The following ESRRG variants were observed in gnomAD, a reference collection of about 807,000 sequenced individuals.
ESRRG encodes the protein estrogen related receptor gamma.
ESRRG carries 13 observed loss-of-function variants against 44.0 expected under a neutral mutation model. That is an observed-to-expected ratio of 0.30 (90% CI 0.19 to 0.47). ESRRG has a LOEUF of 0.47. Ranked by LOEUF, ESRRG falls within the 20% of genes least tolerant of loss-of-function variation. ESRRG has a pLI of 1.00. For missense variants in ESRRG, 395 were observed against 580.6 expected, an observed-to-expected ratio of 0.68 and a Z score of 3.29; for synonymous variants, 215 against 214.6, an observed-to-expected ratio of 1.00 and a Z score of -0.02.
At chr1:216,543,421 G>C (rs1239758806) in intron 5 of ESRRG, among the ~76,000 whole-genome samples, 1 of 152,010 alleles carries the variant, frequency 6.6e-6, no homozygotes, top group Non-Finnish European at 1.5e-5. Context: ...CTCTTGATGA[G>C]TAAAGAAATA....
At chr1:216,589,294 G>A (rs1336637405) in intron 3 of ESRRG, among the ~76,000 whole-genome samples, 1 of 152,274 alleles carries the variant, frequency 6.6e-6, no homozygotes, top group East Asian at 1.9e-4. Flanking sequence ...TGGGCTACAT[G>A]TGGCTGAGGA....
intron 3 of ESRRG, among the ~76,000 whole-genome samples, chr1:216,586,581 CTT>C (rs752769234): frequency 2.1e-4 from 26 of 124,078 alleles, no homozygotes; most frequent in Non-Finnish European, 3.0e-4. Context: ...AACTTTTGGG[CTT>C]TTTTTTTTTT....
At chr1:217,089,093 C>G (rs2092269059) in intron 1 of ESRRG, among the ~76,000 whole-genome samples, 1 of 152,046 alleles carries the variant, frequency 6.6e-6, no homozygotes, top group African/African-American at 2.4e-5. Context: ...GCACCACCCT[C>G]TCCCCCAACG....
At chr1:216,738,790 C>T (rs987317509) in intron 2 of ESRRG, among the ~76,000 whole-genome samples, 2 of 152,106 alleles carry the variant, frequency 1.3e-5, no homozygotes, top group African/African-American at 4.8e-5. Flanking sequence ...TAATGTTTCA[C>T]TTCTCTCTGC....
chr1:216,991,958 C>A (rs932008617), intron 1 of ESRRG, among the ~76,000 whole-genome samples: 4 of 152,162 alleles, frequency 2.6e-5, no homozygotes, highest in Non-Finnish European at 5.9e-5. Flanking sequence ...TTGGGATACT[C>A]CTGGGCTGTG....
At chr1:216,868,473 G>C (rs1399981847) in intron 2 of ESRRG, among the ~76,000 whole-genome samples, 1 of 152,102 alleles carries the variant, frequency 6.6e-6, no homozygotes, top group Non-Finnish European at 1.5e-5. Context: ...ACCCTTGAAG[G>C]ACATTCACAT....
chr1:216,755,136 A>G (rs2092365427), intron 2 of ESRRG, among the ~76,000 whole-genome samples: 1 of 152,004 alleles, frequency 6.6e-6, no homozygotes, highest in African/African-American at 2.4e-5. Flanking sequence ...TATCACATCT[A>G]CTGTTTTCTT....
chr1:216,946,283 C>A (rs2066045081), intron 1 of ESRRG, among the ~76,000 whole-genome samples: 1 of 152,176 alleles, frequency 6.6e-6, no homozygotes, highest in Non-Finnish European at 1.5e-5. Context: ...AAGCAACAGG[C>A]ACCTCATAGG....
intron 1 of ESRRG, among the ~76,000 whole-genome samples, chr1:217,044,923 A>G (rs2084579035): frequency 6.6e-6 from 1 of 152,184 alleles, no homozygotes; most frequent in Non-Finnish European, 1.5e-5. Context: ...GTACTCATTA[A>G]GCTATCTGAG....
intron 2 of ESRRG, among the ~76,000 whole-genome samples, chr1:216,896,968 A>C (rs928263763): frequency 1.2e-4 from 19 of 152,212 alleles, no homozygotes; most frequent in African/African-American, 4.3e-4. Context: ...ACCTAGAAAG[A>C]ATTGCATCTG....
chr1:216,937,678 T>C lies in ESRRG; in HGVS notation c.-14+1904A>G, dbSNP rs536121744. Among the ~76,000 whole-genome samples, 3 of 152,272 alleles carry C rather than the reference T, an allele frequency of 2.0e-5. No homozygotes were observed. In the South Asian group the frequency reaches 6.2e-4, roughly 32 times the overall value. On this transcript the variant is annotated intron_variant, in intron 2 of 7. Transcript: ENST00000359162. ...AGAAAACCTCAGCACCCATCAAGTCTCTACACTCTTCAACTACTTCCTGCT... is the reference window on the plus strand; with the variant it reads ...AGAAAACCTCAGCACCCATCAAGTCCCTACACTCTTCAACTACTTCCTGCT...
At chr1:216,683,043 G>A (rs758825257) in intron 1 of ESRRG, among the ~76,000 whole-genome samples, 34 of 152,266 alleles carry the variant, frequency 2.2e-4, no homozygotes, top group Middle Eastern at 6.8e-3. Flanking sequence ...CGTGTGATTT[G>A]AGAAAACATG....
chr1:216,931,664 C>T (rs2063355642), intron 2 of ESRRG, among the ~76,000 whole-genome samples: 1 of 152,136 alleles, frequency 6.6e-6, no homozygotes, highest in Admixed American at 6.5e-5. Context: ...CTGCACTGAT[C>T]ACACAAAGCA....
chr1:216,779,588 C>T (rs1178616216), intron 2 of ESRRG, among the ~76,000 whole-genome samples: 1 of 102,952 alleles, frequency 9.7e-6, no homozygotes, highest in African/African-American at 3.8e-5. Flanking sequence ...ATGGCTAGGG[C>T]AATATCCTAA....
intron 1 of ESRRG, among the ~76,000 whole-genome samples, chr1:217,015,713 G>A (rs2079251053): frequency 1.3e-5 from 2 of 150,198 alleles, no homozygotes; most frequent in South Asian, 4.3e-4. Context: ...TGTGTGGGGG[G>A]TGAGAGGGGG....
chr1:216,939,593 C>A (rs190792258), exon 2 of ESRRG: 7 of 151,660 alleles, frequency 4.6e-5, no homozygotes, highest in African/African-American at 1.5e-4. Flanking sequence ...TTTCAAACTG[C>A]GACAGTGTTA....
intron 1 of ESRRG, among the ~76,000 whole-genome samples, chr1:216,703,737 T>C (rs2081926128): frequency 1.3e-5 from 2 of 151,500 alleles, no homozygotes; most frequent in Middle Eastern, 3.4e-3. Context: ...GAGTGGGATT[T>C]TTGTTGAATG....
intron 2 of ESRRG, among the ~76,000 whole-genome samples, chr1:216,896,543 T>TA (rs1189253373): frequency 2.0e-5 from 3 of 152,094 alleles, no homozygotes; most frequent in Non-Finnish European, 2.9e-5. Flanking sequence ...AAATGATAGT[T>TA]AAAAAAAGAC....
chr1:216,805,174 C>T (rs906852645), intron 2 of ESRRG: 1 of 152,042 alleles, frequency 6.6e-6, no homozygotes, highest in African/African-American at 2.4e-5. Context: ...CAAATTCAGC[C>T]CAAAGCCAAC....
Sources: gnomAD v4.1 joint callset for allele counts (sites outside exome capture counted in the v4.1 genomes callset) on GRCh38, gnomAD v4.1.1 for gene constraint, MANE v1.5 for transcripts, NCBI Gene and HGNC (gene_info 2026-07-23, HGNC 2026-07-21) for gene names.